BIRC6: variants seen among roughly 807,000 people sequenced by gnomAD.
The protein encoded by BIRC6 is baculoviral IAP repeat containing 6, also known as dual E2 ubiquitin-conjugating enzyme/E3 ubiquitin-protein ligase BIRC6.
BIRC6 carries 98 observed loss-of-function variants against 503.3 expected under a neutral mutation model. That is an observed-to-expected ratio of 0.19 (90% CI 0.17 to 0.23). The LOEUF is 0.23. BIRC6 is among the 10% of genes least tolerant of loss of function. BIRC6 has a pLI of 1.00. For synonymous variants in BIRC6, 2,240 were observed against 2,078.7 expected (o/e 1.08, Z -2.11); for missense variants, 5,360 against 5,806.0 (o/e 0.92, Z 2.50).
In BIRC6 at chr2:32,479,485, G is replaced by A. The variant is rs143628711; in HGVS notation, c.7276G>A (p.Ala2426Thr). Residue 2426 changes from alanine (A) to threonine (T), a missense_variant, in exon 37 of 74, where the codon GCA becomes ACA. Transcript: ENST00000421745. ...AGGAGAATTACTGGCTCCAGTAGCC[G>A]CAGAAGCCATGGAGGAAGGAACAGT... ...LAGELLAPVA[A>T]EAMEEGTVGD... 29 of 1,602,008 alleles carry A rather than the reference G, an allele frequency of 1.8e-5. No individual in the cohort carries two copies. The highest frequency in any genetic ancestry group is 1.7e-4 in the Middle Eastern group (1 of 6,048).
At chr2:32,489,654 C>T (rs531057776) in intron 42 of BIRC6, among the ~76,000 whole-genome samples, 11 of 151,982 alleles carry the variant, frequency 7.2e-5, no homozygotes, top group East Asian at 1.9e-4. Flanking sequence ...AAAAATTAGC[C>T]GGCTGTGTTG....
intron 66 of BIRC6, among the ~76,000 whole-genome samples, chr2:32,589,943 A>G (rs530252171): frequency 5.9e-5 from 9 of 152,250 alleles, no homozygotes; most frequent in African/African-American, 2.2e-4. Context: ...CTACCAAAAT[A>G]TTTTTCTTTC....
At position 32,416,084 on chromosome 2, in the gene BIRC6, G is replaced by C. The variant is rs1271140642; in HGVS notation, c.2793G>C (p.Lys931Asn). ...EILAKVEPPKKEGTEEQDTFV... is the reference protein window; with the variant it reads ...EILAKVEPPKNEGTEEQDTFV... ...TGGCCAAAGTGGAGCCTCCCAAAAA[G>C]GAGGGCACTGAGGAACAGGACACAT... The change falls in exon 10 of 74, where the codon AAG becomes AAC. Residue 931 changes from lysine to asparagine, a missense_variant. Coordinates refer to ENST00000421745, the MANE Select transcript of BIRC6 (RefSeq NM_016252.4). 1 of 1,613,864 alleles carries C rather than the reference G, an allele frequency of 6.2e-7. No individual in the cohort carries two copies. The highest frequency in any genetic ancestry group is 8.5e-7 in the Non-Finnish European group (1 of 1,179,848).
At chr2:32,519,107 G>A (rs2055366550) in intron 57 of BIRC6, 161 bp downstream of exon 57, 1 of 706,064 alleles carries the variant, frequency 1.4e-6, no homozygotes, top group Admixed American at 3.1e-5. Flanking sequence ...AGCCAGTCAA[G>A]TGGACAAAAT....
chr2:32,607,404 A>G (rs1573347604), intron 71 of BIRC6, 51 bp from the exon 72 acceptor site: 1 of 1,291,882 alleles, frequency 7.7e-7, no homozygotes, highest in East Asian at 2.5e-5. Context: ...ATATCAGTTA[A>G]CCCACAGTAA....
At position 32,611,108 on chromosome 2, in the gene BIRC6, C is replaced by CTTTTTTTTTTTTTTTTTTTTTTTTTTTT. The variant is rs1245765148; in HGVS notation, c.14260-329_14260-328insTTTTTTTTTTTTTTTTTTTTTTTTTTTT. Among the ~76,000 whole-genome samples the CTTTTTTTTTTTTTTTTTTTTTTTTTTTT allele has an allele frequency of 8.7e-5, 11 of 126,160 alleles. 1 individual carries two copies. The highest frequency in any genetic ancestry group is 7.5e-4 in the Admixed American group (9 of 11,980). The allele number at this position is 126,160 out of a possible 152,430, so 82.8% of individuals were successfully genotyped here. A position where few individuals can be genotyped will look rare whatever the true frequency, so the allele number is the denominator to read the frequency against. On this transcript the variant is annotated intron_variant, in intron 72 of 73. Transcript: ENST00000421745. Reference sequence around the variant, plus strand: ...AATATTGTAGAGTTGATTAAATTGCCTTTTTTTTTTTGTTTGAGATGGAGG... The same window carrying CTTTTTTTTTTTTTTTTTTTTTTTTTTTT: ...AATATTGTAGAGTTGATTAAATTGCCTTTTTTTTTTTTTTTTTTTTTTTTTTTTTTTTTTTTTTTGTTTGAGATGGAGG...
chr2:32,548,365 C>CTTTTTTTTTTTTTTTTT (rs1202755440), intron 64 of BIRC6, among the ~76,000 whole-genome samples: 1 of 73,366 alleles, frequency 1.4e-5, no homozygotes, highest in Non-Finnish European at 2.6e-5. Flanking sequence ...TGGTTGCTTA[C>CTTTTTTTTTTTTTTTTT]TTTTTTTTTT....
intron 53 of BIRC6, among the ~76,000 whole-genome samples, chr2:32,511,201 C>CTTTTTTTT: frequency 2.4e-3 from 115 of 48,530 alleles, no homozygotes; most frequent in African/African-American, 4.7e-3. Flanking sequence ...CTTTTCTTTT[C>CTTTTTTTT]TTTTTTTTTT....
chr2:32,360,539 C>G (rs2033902431), intron 1 of BIRC6, among the ~76,000 whole-genome samples: 1 of 152,090 alleles, frequency 6.6e-6, no homozygotes, highest in Admixed American at 6.6e-5. Flanking sequence ...ATTCTTTTTC[C>G]TAACTACAGT....
intron 23 of BIRC6, among the ~76,000 whole-genome samples, chr2:32,456,038 A>G (rs1405664084): frequency 1.3e-5 from 2 of 152,230 alleles, no homozygotes; most frequent in African/African-American, 2.4e-5. Context: ...GCAGTTTATC[A>G]TGATACACAT....
intron 71 of BIRC6, among the ~76,000 whole-genome samples, chr2:32,607,045 A>T (rs1573344667): frequency 6.6e-6 from 1 of 151,658 alleles, no homozygotes; most frequent in Non-Finnish European, 1.5e-5. Context: ...GGCTAGTTTT[A>T]TGCTCCTTAA....
intron 13 of BIRC6, among the ~76,000 whole-genome samples, chr2:32,435,095 CTG>C (rs2044551759): frequency 6.6e-6 from 1 of 152,116 alleles, no homozygotes; most frequent in South Asian, 2.1e-4. Flanking sequence ...TTATGTGAGT[CTG>C]TGTGTATATG....
At chr2:32,603,400 C>T (rs903056287) in intron 71 of BIRC6, among the ~76,000 whole-genome samples, 1 of 152,100 alleles carries the variant, frequency 6.6e-6, no homozygotes, top group African/African-American at 2.4e-5. Context: ...TTATGAGAGC[C>T]TCTTACAGTT....
In BIRC6 at chr2:32,357,598, G is replaced by C; in HGVS notation, c.325+112G>C. 1 of 1,463,360 alleles carries C rather than the reference G, an allele frequency of 6.8e-7. No homozygotes were observed. 90.6% of individuals were successfully genotyped at this position (1,463,360 alleles called of 1,614,324 possible). ...AGATGGCGAGAGGGCAGGGCTGGGG[G>C]TTCGGGCCCAGCCGTGAAGGGAGGC... On this transcript the variant is annotated intron_variant, in intron 1 of 73. Transcript: ENST00000421745. This position sits in a 1 kb window ranked among gnomAD's most constrained non-coding sequence, Gnocchi z 4.9.
At chr2:32,425,098 AT>A (rs34234967) in intron 10 of BIRC6, among the ~76,000 whole-genome samples, 19,381 of 147,708 alleles carry the variant, frequency 0.13, 1,695 homozygotes, top group Admixed American at 0.21. Context: ...CCACTTTTGA[AT>A]TTTTTTTTTT....
Position 32,439,491 on chromosome 2 carries a change from C to G in BIRC6, c.3632-17C>G. The G allele has an allele frequency of 1.9e-6, 3 of 1,606,428 alleles. No homozygotes were observed. Reference sequence around the variant, plus strand: ...TGGTGATTCAGTTATTTTCCCCATTCTACTCCACTTCTCTAGGTATGGCAG... The same window carrying G: ...TGGTGATTCAGTTATTTTCCCCATTGTACTCCACTTCTCTAGGTATGGCAG... On this transcript the variant is annotated splice_polypyrimidine_tract_variant and intron_variant, in intron 15 of 73. Coordinates refer to ENST00000421745, the MANE Select transcript of BIRC6 (RefSeq NM_016252.4).
At chr2:32,603,344 A>G (rs2062194614) in intron 71 of BIRC6, among the ~76,000 whole-genome samples, 1 of 152,150 alleles carries the variant, frequency 6.6e-6, no homozygotes, top group South Asian at 2.1e-4. Context: ...GGCCAGGCGC[A>G]GTGCCCACCG....
At chr2:32,446,757 T>C (rs953100102) in intron 21 of BIRC6, among the ~76,000 whole-genome samples, 1 of 137,292 alleles carries the variant, frequency 7.3e-6, no homozygotes, top group Non-Finnish European at 1.6e-5. Context: ...TTTTTTTTTT[T>C]TTTTTTTTTT....
chr2:32,466,951 C>T (rs1263520831), intron 26 of BIRC6, among the ~76,000 whole-genome samples: 1 of 151,968 alleles, frequency 6.6e-6, no homozygotes, highest in Non-Finnish European at 1.5e-5. Context: ...AACCCTGTCT[C>T]TACTAAAACT....
Sources: gnomAD v4.1 joint callset for allele counts (sites outside exome capture counted in the v4.1 genomes callset) on GRCh38, gnomAD v4.1.1 for gene constraint, Gnocchi (gnomAD v3.1) non-coding constraint, MANE v1.5 for transcripts, NCBI Gene and HGNC (gene_info 2026-07-23, HGNC 2026-07-21) for gene names.